The following BBS9 variants were observed in gnomAD, a reference collection of about 807,000 sequenced individuals.
BBS9 encodes the protein Bardet-Biedl syndrome 9.
BBS9 carries 89 observed loss-of-function variants against 117.7 expected under a neutral mutation model. The ratio of observed to expected loss-of-function variants is 0.76; its 90% CI spans 0.64 to 0.90. The LOEUF (loss-of-function observed/expected upper bound fraction) is 0.90. BBS9 is among the 40% of genes least tolerant of loss of function. The probability of loss-of-function intolerance (pLI) is 0.00; values close to 1 mark genes in which losing one functional copy is unlikely to be tolerated. For missense variants in BBS9, 982 were observed against 1,042.2 expected (o/e 0.94, Z 0.80); for synonymous variants, 379 against 370.9 (o/e 1.02, Z -0.25).
At chr7:33,527,308 T>A (rs1849720860) in intron 20 of BBS9, among the ~76,000 whole-genome samples, 1 of 152,178 alleles carries the variant, frequency 6.6e-6, no homozygotes, top group Non-Finnish European at 1.5e-5. Flanking sequence ...TTTGTTTACC[T>A]AAGCAAGCCT....
chr7:33,176,389 G>A (rs1176270195), intron 4 of BBS9, among the ~76,000 whole-genome samples: 2 of 152,096 alleles, frequency 1.3e-5, no homozygotes, highest in Non-Finnish European at 2.9e-5. Flanking sequence ...CATAGTACCT[G>A]GTTCTAAAGA....
chr7:33,282,981 T>C (rs1383609688), intron 9 of BBS9, among the ~76,000 whole-genome samples: 1 of 152,192 alleles, frequency 6.6e-6, no homozygotes, highest in Non-Finnish European at 1.5e-5. Context: ...ATTATTTATT[T>C]TGTCAAAATT....
chr7:33,204,907 T>C (rs924165239), intron 5 of BBS9, among the ~76,000 whole-genome samples: 24 of 152,236 alleles, frequency 1.6e-4, no homozygotes, highest in Non-Finnish European at 4.4e-5. Context: ...TCTTAGTTTT[T>C]CCAGTACTTT....
At chr7:33,591,737 T>C (rs1398712563) in intron 21 of BBS9, among the ~76,000 whole-genome samples, 1 of 152,088 alleles carries the variant, frequency 6.6e-6, no homozygotes, top group Non-Finnish European at 1.5e-5. Context: ...TACCACTGTT[T>C]TACCCTTTTA....
At chr7:33,370,441 A>G (rs1219329520) in intron 17 of BBS9, among the ~76,000 whole-genome samples, 1 of 152,058 alleles carries the variant, frequency 6.6e-6, no homozygotes, top group Non-Finnish European at 1.5e-5. Flanking sequence ...CTGCACTCCA[A>G]CCTGCGCAAC....
chr7:33,539,584 C>T (rs1408865589), intron 21 of BBS9, among the ~76,000 whole-genome samples: 1 of 152,216 alleles, frequency 6.6e-6, no homozygotes, highest in Non-Finnish European at 1.5e-5. Context: ...TTACAGGCAC[C>T]TTTACAGAAA....
Position 33,534,161 on chromosome 7 carries a change from A to G in BBS9, c.2506A>G (p.Thr836Ala). ...CLSTDAAAPQ[T>A]MVMPGGCTTI... is the part of the protein sequence containing the mutation. ...AAGTACCGATGCAGCAGCCCCACAG[A>G]CCATGGTCATGCCAGGTAAGAGCTC... is the stretch of plus-strand genomic sequence containing the variant. The change falls in exon 21 of 23, where the codon ACC becomes GCC. Residue 836 changes from threonine (T) to alanine (A), a missense_variant. Coordinates refer to ENST00000242067, the MANE Select transcript of BBS9 (RefSeq NM_198428.3). 2.5e-6 allele frequency: 4 copies of G among 1,614,152 alleles called. No individual in the cohort carries two copies. The East Asian group carries it at 8.9e-5, about 36-fold the overall frequency.
chr7:33,353,908 A>G (rs1819156542), intron 15 of BBS9, among the ~76,000 whole-genome samples: 1 of 152,076 alleles, frequency 6.6e-6, no homozygotes, highest in Non-Finnish European at 1.5e-5. Flanking sequence ...ATAACCTGAT[A>G]TTAATAATGA....
At chr7:33,357,648 A>G in intron 15 of BBS9, 2 of 648,746 alleles carry the variant, frequency 3.1e-6, no homozygotes, top group Non-Finnish European at 5.5e-6. Context: ...CTTCTTTTAA[A>G]ATTTTATTTT....
chr7:33,446,125 T>A (rs997647321), intron 19 of BBS9, among the ~76,000 whole-genome samples: 1 of 152,110 alleles, frequency 6.6e-6, no homozygotes, highest in African/African-American at 2.4e-5. Context: ...GAGTGAGAGA[T>A]CTAAAATATG....
At chr7:33,333,117 G>T (rs966436583) in intron 9 of BBS9, among the ~76,000 whole-genome samples, 1 of 152,036 alleles carries the variant, frequency 6.6e-6, no homozygotes, top group African/African-American at 2.4e-5. Context: ...ACATGGATAA[G>T]TTCTTTAGTG....
At chr7:33,441,699 G>A (rs1416502061) in intron 19 of BBS9, among the ~76,000 whole-genome samples, 1 of 152,068 alleles carries the variant, frequency 6.6e-6, no homozygotes, top group Admixed American at 6.6e-5. Flanking sequence ...TGCAACTAAT[G>A]TATGCTTTCA....
At chr7:33,231,428 CTTTTTTT>C (rs35407590) in intron 5 of BBS9, among the ~76,000 whole-genome samples, 1 of 106,386 alleles carries the variant, frequency 9.4e-6, no homozygotes, top group African/African-American at 3.6e-5. Flanking sequence ...GCCTATGTGT[CTTTTTTT>C]TTTTTTTTTT....
chr7:33,625,079 A>G (rs755915800), intron 21 of BBS9, among the ~76,000 whole-genome samples: 28 of 152,204 alleles, frequency 1.8e-4, no homozygotes, highest in Admixed American at 3.9e-4. Context: ...CATGTGAAGC[A>G]ACAAGTGCCC....
At chr7:33,207,532 T>C (rs572795368) in intron 5 of BBS9, among the ~76,000 whole-genome samples, 2 of 151,728 alleles carry the variant, frequency 1.3e-5, no homozygotes, top group South Asian at 4.2e-4. Flanking sequence ...TTGTGACATG[T>C]CTTCTTTTTT....
At chr7:33,356,659 C>T (rs1343279578) in intron 15 of BBS9, among the ~76,000 whole-genome samples, 1 of 151,860 alleles carries the variant, frequency 6.6e-6, no homozygotes, top group Non-Finnish European at 1.5e-5. Flanking sequence ...GATGATTTCT[C>T]ACTATCCTAG....
At chr7:33,236,113 G>C (rs1021695462) in intron 5 of BBS9, among the ~76,000 whole-genome samples, 2 of 152,028 alleles carry the variant, frequency 1.3e-5, no homozygotes, top group African/African-American at 2.4e-5. Flanking sequence ...GATCACCTGA[G>C]GTTGGGAGTT....
intron 5 of BBS9, among the ~76,000 whole-genome samples, chr7:33,207,073 A>G (rs1787067843): frequency 6.6e-6 from 1 of 152,134 alleles, no homozygotes; most frequent in Non-Finnish European, 1.5e-5. Flanking sequence ...TTCTTCCTAT[A>G]TTATCACATA....
chr7:33,266,746 T>G (rs966400389), intron 7 of BBS9, among the ~76,000 whole-genome samples: 41 of 152,032 alleles, frequency 2.7e-4, no homozygotes, highest in African/African-American at 9.9e-4. Flanking sequence ...TATATTTATT[T>G]ATTTATTTAT....
Sources: allele counts gnomAD v4.1 joint callset (sites outside exome capture counted in the v4.1 genomes callset), GRCh38; gene constraint gnomAD v4.1.1; transcripts MANE v1.5; gene names NCBI Gene and HGNC (gene_info 2026-07-23, HGNC 2026-07-21).